The following SH3GLB1 variants were observed in gnomAD, a reference collection of about 807,000 sequenced individuals.
SH3GLB1 encodes the protein SH3 domain containing GRB2 like, endophilin B1, also known as endophilin-B1.
A neutral mutation model predicts 42.0 loss-of-function variants in SH3GLB1; 17 were observed. That is an observed-to-expected ratio of 0.40 (90% CI 0.28 to 0.61). The LOEUF (loss-of-function observed/expected upper bound fraction) is 0.61, where lower values mean the gene tolerates loss of function less well. Among genes scored for constraint, SH3GLB1 ranks in the 20% least tolerant of loss-of-function variants. The pLI, the probability that SH3GLB1 is intolerant of heterozygous loss-of-function variation, is 0.36. For missense variants in SH3GLB1, 355 were observed against 426.3 expected (o/e 0.83, Z 1.47); for synonymous variants, 132 against 146.6 (o/e 0.90, Z 0.72).
chr1:86,745,439 A>T lies in SH3GLB1; in HGVS notation c.*2204A>T, dbSNP rs1448213687. 1.3e-5 allele frequency: 2 copies of T among 152,152 alleles called. No individual in the cohort carries two copies. The highest frequency in any genetic ancestry group is 6.6e-5 in the Admixed American group (1 of 15,260). 9.4% of individuals were successfully genotyped at this position (152,152 alleles called of 1,614,324 possible). A position where few individuals can be genotyped will look rare whatever the true frequency, so the allele number is the denominator to read the frequency against. ...TGTGCACCAGAGATACCTCTTTTACATCTGGGCTCTGTTTTCTCTCTATCA... is the reference window on the plus strand; with the variant it reads ...TGTGCACCAGAGATACCTCTTTTACTTCTGGGCTCTGTTTTCTCTCTATCA... On this transcript the variant is annotated 3_prime_UTR_variant, in exon 9 of 9. Transcript: ENST00000370558.
intron 5 of SH3GLB1, chr1:86,730,134 A>T (rs1348424494): frequency 1.3e-6 from 2 of 1,584,522 alleles, no homozygotes; most frequent in African/African-American, 2.7e-5. Flanking sequence ...TTAAATACAG[A>T]ACTATGAAAC....
chr1:86,725,059 G>A (rs1032481257), intron 5 of SH3GLB1, among the ~76,000 whole-genome samples: 45 of 149,454 alleles, frequency 3.0e-4, no homozygotes, highest in Non-Finnish European at 6.2e-4. Flanking sequence ...AATTATGGTA[G>A]CTCCTAATGT....
rs554825716 is a variant in SH3GLB1, at chr1:86,733,895, G to A, written c.571-707G>A. On this transcript the variant is annotated intron_variant, in intron 5 of 8. Transcript: ENST00000370558. ...TGAGAGCTTTTTTTTTTATTTCTTG[G>A]GGAAGAATTTAACAGCACACTACTG... is the stretch of plus-strand genomic sequence containing the variant. Among the ~76,000 whole-genome samples the A allele has an allele frequency of 6.6e-5, 10 of 151,932 alleles. No homozygotes were observed. The South Asian group carries it at 2.1e-3, about 32-fold the overall frequency.
chr1:86,738,285 A>C (rs1353652594), intron 7 of SH3GLB1, among the ~76,000 whole-genome samples: 1 of 151,716 alleles, frequency 6.6e-6, no homozygotes, highest in African/African-American at 2.4e-5. Flanking sequence ...TGTTTTTTTG[A>C]GACAGAGTCT....
chr1:86,728,425 A>C (rs1161915290), intron 5 of SH3GLB1: 1 of 1,560,852 alleles, frequency 6.4e-7, no homozygotes. Flanking sequence ...GCTCGCCTTG[A>C]AGGAGATAAC....
At chr1:86,719,825 C>T (rs1654762855) in intron 3 of SH3GLB1, among the ~76,000 whole-genome samples, 190 bp downstream of exon 3, 1 of 151,672 alleles carries the variant, frequency 6.6e-6, no homozygotes, top group Non-Finnish European at 1.5e-5. Context: ...GAAACCCCGT[C>T]TCTACTAAAA....
intron 3 of SH3GLB1, among the ~76,000 whole-genome samples, chr1:86,721,733 T>A (rs1326608756): frequency 6.6e-6 from 1 of 152,144 alleles, no homozygotes; most frequent in African/African-American, 2.4e-5. Context: ...TGACTTGATC[T>A]CTTGGAAGCA....
intron 1 of SH3GLB1, among the ~76,000 whole-genome samples, chr1:86,710,682 C>G (rs1198910580): frequency 2.0e-5 from 3 of 152,178 alleles, no homozygotes; most frequent in African/African-American, 4.8e-5. Context: ...GATCAAACAC[C>G]TAAGTCAATT....
At chr1:86,729,251 A>G (rs1301653416) in intron 5 of SH3GLB1, among the ~76,000 whole-genome samples, 1 of 152,186 alleles carries the variant, frequency 6.6e-6, no homozygotes. Context: ...GTGTCAAGGG[A>G]TCTGCAGTAC....
At chr1:86,715,191 TAATTAC>T (rs1654437950) in intron 1 of SH3GLB1, among the ~76,000 whole-genome samples, 1 of 151,744 alleles carries the variant, frequency 6.6e-6, no homozygotes, top group Admixed American at 6.6e-5. Flanking sequence ...CAAAACTTAA[TAATTAC>T]AAGGCACCAA....
chr1:86,734,047 GTAGGAC>G (rs1655656131), intron 5 of SH3GLB1, among the ~76,000 whole-genome samples: 1 of 152,122 alleles, frequency 6.6e-6, no homozygotes, highest in Non-Finnish European at 1.5e-5. Flanking sequence ...CATTTAAAAT[GTAGGAC>G]AAAGAATCCT....
chr1:86,719,395 G>C, intron 2 of SH3GLB1, 112 bp from the exon 3 acceptor site: 1 of 714,026 alleles, frequency 1.4e-6, no homozygotes, highest in Non-Finnish European at 2.1e-6. Context: ...ATATGTGCTT[G>C]AATGAATGCT....
intron 5 of SH3GLB1, chr1:86,728,425 A>G: frequency 6.4e-7 from 1 of 1,560,852 alleles, no homozygotes; most frequent in Non-Finnish European, 8.7e-7. Context: ...GCTCGCCTTG[A>G]AGGAGATAAC....
chr1:86,719,612 A>G lies in SH3GLB1; in HGVS notation c.320A>G (p.Glu107Gly). ...CAATATATGATTGATGCAGGGACTG[A>G]GTTTGGCCCAGGAACAGCTTATGGT... ...LGQYMIDAGT[E>G]FGPGTAYGNA... Residue 107 changes from glutamate (E) to glycine (G), a missense_variant, in exon 3 of 9, where the codon GAG (glutamate) becomes GGG (glycine). Glu to Gly is a moderately conservative substitution (Grantham distance 98). Coordinates refer to ENST00000370558, the MANE Select transcript of SH3GLB1 (RefSeq NM_016009.5). 6.2e-7 allele frequency: 1 copy of G among 1,609,676 alleles called. No homozygotes were observed. The highest frequency in any genetic ancestry group is 8.5e-7 in the Non-Finnish European group (1 of 1,177,826).
intron 1 of SH3GLB1, among the ~76,000 whole-genome samples, chr1:86,707,144 T>C (rs986038620): frequency 6.6e-6 from 1 of 152,160 alleles, no homozygotes; most frequent in African/African-American, 2.4e-5. Flanking sequence ...GCCAGAAGAA[T>C]AGAATAACGC....
intron 5 of SH3GLB1, among the ~76,000 whole-genome samples, chr1:86,726,960 T>C (rs1283338645): frequency 1.3e-5 from 2 of 152,124 alleles, no homozygotes; most frequent in African/African-American, 2.4e-5. Context: ...TCTTTATAAA[T>C]TTCCATGGAT....
chr1:86,728,085 G>A (rs954311043), intron 5 of SH3GLB1, among the ~76,000 whole-genome samples: 1 of 151,884 alleles, frequency 6.6e-6, no homozygotes, highest in African/African-American at 2.4e-5. Flanking sequence ...GGTTAGGTAG[G>A]ACTTTCTTAG....
rs1485645784 is a variant in SH3GLB1, at chr1:86,720,017, AC to A, written c.343+383del. Among the ~76,000 whole-genome samples, 223 of 151,106 alleles carry A rather than the reference AC, an allele frequency of 1.5e-3. 1 individual carries two copies. The highest frequency in any genetic ancestry group is 3.4e-3 in the Middle Eastern group (1 of 294). ...TCTCAAAAAAAAAAAAAAAAAAAAA[AC>A]ATAGTAGTAGAATTGGTTTTAACTT... On this transcript the variant is annotated intron_variant, in intron 3 of 8. Coordinates refer to ENST00000370558, the MANE Select transcript of SH3GLB1 (RefSeq NM_016009.5).
At chr1:86,717,058 C>A (rs34086817) in intron 2 of SH3GLB1, among the ~76,000 whole-genome samples, 7,601 of 152,094 alleles carry the variant, frequency 0.05, 249 homozygotes, top group South Asian at 0.078. Context: ...TCATGTGTAC[C>A]CCAAACTTCA....
Sources: allele counts gnomAD v4.1 joint callset (sites outside exome capture counted in the v4.1 genomes callset), GRCh38; gene constraint gnomAD v4.1.1; transcripts MANE v1.5; gene names NCBI Gene and HGNC (gene_info 2026-07-23, HGNC 2026-07-21).